The following RAB11FIP3 variants were observed in gnomAD, a reference collection of about 807,000 sequenced individuals.
RAB11FIP3 encodes RAB11 family interacting protein 3.
Under a neutral mutation model 77.8 loss-of-function variants are expected in RAB11FIP3, and 17 were observed. The ratio of observed to expected loss-of-function variants is 0.22; its 90% CI spans 0.15 to 0.33. The LOEUF is 0.33. Ranked by LOEUF, RAB11FIP3 falls within the 10% of genes least tolerant of loss-of-function variation. The pLI is 1.00. For synonymous variants in RAB11FIP3, 437 were observed against 448.2 expected, an observed-to-expected ratio of 0.98 and a Z score of 0.31; for missense variants, 1,005 against 1,011.2, an observed-to-expected ratio of 0.99 and a Z score of 0.08.
At chr16:455,463 ACT>A (rs1181735402) in intron 1 of RAB11FIP3, among the ~76,000 whole-genome samples, 3 of 143,334 alleles carry the variant, frequency 2.1e-5, no homozygotes, top group Non-Finnish European at 4.5e-5. Flanking sequence ...AACAGAGGCG[ACT>A]CTGTCTCAAA....
At position 482,518 on chromosome 16, in the gene RAB11FIP3, C is replaced by G; in HGVS notation, c.904-7C>G. 2 of 1,613,358 alleles carry G rather than the reference C, an allele frequency of 1.2e-6. No individual in the cohort carries two copies. The highest frequency in any genetic ancestry group is 1.7e-6 in the Non-Finnish European group (2 of 1,179,976). On this transcript the variant is annotated splice_region_variant and splice_polypyrimidine_tract_variant and intron_variant, in intron 3 of 13. Coordinates refer to ENST00000262305, the MANE Select transcript of RAB11FIP3 (RefSeq NM_014700.4). Reference sequence around the variant, plus strand: ...TGCCCGCTGACTGCTGGCGCACTCTCTCCTAGGCCAACGAGGTGACGGACA... The same window carrying G: ...TGCCCGCTGACTGCTGGCGCACTCTGTCCTAGGCCAACGAGGTGACGGACA...
intron 1 of RAB11FIP3, among the ~76,000 whole-genome samples, chr16:444,911 G>A (rs909081101): frequency 1.3e-5 from 2 of 151,312 alleles, no homozygotes; most frequent in African/African-American, 2.4e-5. Context: ...TCAGGGGACC[G>A]AGCCCATGCT....
intron 1 of RAB11FIP3, among the ~76,000 whole-genome samples, chr16:441,424 AC>A (rs1439255274): frequency 3.9e-5 from 6 of 152,200 alleles, no homozygotes; most frequent in Admixed American, 2.0e-4. Flanking sequence ...GCATGTTCTC[AC>A]GGGGGGTGAG....
chr16:512,753 G>A (rs1403566559), intron 9 of RAB11FIP3, among the ~76,000 whole-genome samples: 2 of 151,486 alleles, frequency 1.3e-5, no homozygotes, highest in East Asian at 1.9e-4. Context: ...ATGTTGGCCA[G>A]GATAGTCTTG....
At chr16:449,006 GT>G (rs774162773) in intron 1 of RAB11FIP3, among the ~76,000 whole-genome samples, 1 of 152,156 alleles carries the variant, frequency 6.6e-6, no homozygotes, top group Non-Finnish European at 1.5e-5. Context: ...TAAGATGGCT[GT>G]GGTAGGCCAA....
At position 425,670 on chromosome 16, in the gene RAB11FIP3, C is replaced by A; in HGVS notation, c.-337C>A. On this transcript the variant is annotated 5_prime_UTR_variant, in exon 1 of 14. It adds an upstream start codon to the 5' untranslated region. Transcript: ENST00000262305. ...CCTCAGCCTCCTTAGTCTCCTCATC[C>A]TGCTTCACAGGCTCCGCGGCCTCCG... 1 of 238,514 alleles carries A rather than the reference C, an allele frequency of 4.2e-6. No individual in the cohort carries two copies. 14.8% of individuals were successfully genotyped at this position (238,514 alleles called of 1,614,324 possible).
At chr16:487,166 T>C (rs887909578) in intron 4 of RAB11FIP3, among the ~76,000 whole-genome samples, 3 of 150,016 alleles carry the variant, frequency 2.0e-5, no homozygotes, top group African/African-American at 7.4e-5. Context: ...AATCTGGCTC[T>C]GTCGCCCAGG....
chr16:519,142 A>T, intron 10 of RAB11FIP3, 118 bp downstream of exon 10: 2 of 1,120,276 alleles, frequency 1.8e-6, no homozygotes, highest in Non-Finnish European at 1.3e-6. Context: ...TGTGTGAGGG[A>T]ACGGGGCCAG....
chr16:519,994 T>C, intron 11 of RAB11FIP3, 103 bp downstream of exon 11: 1 of 1,516,694 alleles, frequency 6.6e-7, no homozygotes, highest in Non-Finnish European at 8.9e-7. Flanking sequence ...GCTTTGGGCA[T>C]AGCCGCTGGT....
At chr16:460,085 C>G (rs1435299111) in intron 1 of RAB11FIP3, among the ~76,000 whole-genome samples, 2 of 151,972 alleles carry the variant, frequency 1.3e-5, no homozygotes, top group African/African-American at 2.4e-5. Flanking sequence ...CCACGTTGGT[C>G]AGGATGATCT....
At position 505,626 on chromosome 16, in the gene RAB11FIP3, A is replaced by G; in HGVS notation, c.1498A>G (p.Arg500Gly). ...GCAGGAGAACCTGCAGCTGGTGCAC[A>G]GGTGAGCCTGGGCCAGGAGACCCGG... is the stretch of plus-strand genomic sequence containing the variant. ...LRQENLQLVH[R>G]ANALEEQLKE... The change falls in exon 8 of 14, where the codon AGA becomes GGA. Residue 500 changes from arginine to glycine, a missense_variant and splice_region_variant. This residue lies in a region of RAB11FIP3 where 433 missense variants were observed against 436.1 expected (regional missense o/e 0.99). Transcript: ENST00000262305. This position sits in a 1 kb window ranked among gnomAD's most constrained non-coding sequence, Gnocchi z 4.0. 6.3e-7 allele frequency: 1 copy of G among 1,593,340 alleles called. No homozygotes were observed. The highest frequency in any genetic ancestry group is 8.5e-7 in the Non-Finnish European group (1 of 1,176,464).
intron 5 of RAB11FIP3, chr16:491,261 A>G: frequency 1.5e-6 from 2 of 1,304,722 alleles, no homozygotes; most frequent in Non-Finnish European, 1.0e-6. Flanking sequence ...TGATCTTGAA[A>G]TGAATAGGTA....
In RAB11FIP3 at chr16:426,904, C is replaced by T. The variant is rs937237527; in HGVS notation, c.714+184C>T. The stretch of plus-strand genomic sequence containing the variant: ...ATTTCTGGTTGAATTGCGCTGGAGT[C>T]CCTCTTCCCTTCTTAAAAGGAGGTT... On this transcript the variant is annotated intron_variant, in intron 1 of 13. Coordinates refer to ENST00000262305, the MANE Select transcript of RAB11FIP3 (RefSeq NM_014700.4). The surrounding 1 kb of genome is among the most constrained non-coding windows in gnomAD (Gnocchi z 5.0). 3.9e-5 allele frequency among the ~76,000 whole-genome samples: 6 copies of T among 152,164 alleles called. No homozygotes were observed. The highest frequency in any genetic ancestry group is 1.2e-4 in the African/African-American group (5 of 41,440).
At chr16:433,786 G>T (rs991638227) in intron 1 of RAB11FIP3, among the ~76,000 whole-genome samples, 2 of 151,436 alleles carry the variant, frequency 1.3e-5, no homozygotes, top group African/African-American at 4.9e-5. Context: ...AACCTGGGAG[G>T]TGGAGCTTGC....
intron 6 of RAB11FIP3, chr16:497,384 A>G: frequency 7.7e-7 from 1 of 1,297,390 alleles, no homozygotes; most frequent in Non-Finnish European, 1.0e-6. Flanking sequence ...ATAAACATGC[A>G]GGGTTAAGGC....
intron 5 of RAB11FIP3, among the ~76,000 whole-genome samples, chr16:493,251 C>CAAAAA (rs71139788): frequency 9.8e-6 from 1 of 102,442 alleles, no homozygotes; most frequent in African/African-American, 3.6e-5. Flanking sequence ...ACTCTGACTC[C>CAAAAA]AAAAAAAAAA....
chr16:519,056 G>A (rs374876262), intron 10 of RAB11FIP3, 32 bp downstream of exon 10: 2 of 1,605,826 alleles, frequency 1.2e-6, no homozygotes, highest in Non-Finnish European at 1.7e-6. Flanking sequence ...GCTGTGGCCA[G>A]TGGGGCCAGC....
intron 1 of RAB11FIP3, among the ~76,000 whole-genome samples, chr16:430,786 C>T (rs562878387): frequency 1.6e-4 from 25 of 152,272 alleles, no homozygotes; most frequent in African/African-American, 4.8e-4. Context: ...GAGGCTGAGG[C>T]GGGCAGATCA....
intron 1 of RAB11FIP3, among the ~76,000 whole-genome samples, chr16:431,958 C>T (rs377391835): frequency 2.6e-5 from 4 of 151,986 alleles, no homozygotes; most frequent in Admixed American, 6.6e-5. Flanking sequence ...GAGGTTTCAC[C>T]GTGTTAGCCA....
Sources: allele counts gnomAD v4.1 joint callset (sites outside exome capture counted in the v4.1 genomes callset), GRCh38; gene constraint gnomAD v4.1.1; regional missense constraint gnomAD v4.1.1; non-coding constraint Gnocchi (gnomAD v3.1); transcripts MANE v1.5; gene names NCBI Gene and HGNC (gene_info 2026-07-23, HGNC 2026-07-21).